The following MICU2 variants were observed in gnomAD, a reference collection of about 807,000 sequenced individuals.
MICU2 encodes the protein calcium uptake protein 2, mitochondrial.
A neutral mutation model predicts 60.4 loss-of-function variants in MICU2; 64 were observed. The observed-to-expected ratio is 1.06, with a 90% CI of 0.87 to 1.31. MICU2 has a LOEUF of 1.31. MICU2 is among the 50% of genes most tolerant of loss of function. MICU2 has a pLI of 0.00. For synonymous variants in MICU2, 201 were observed against 175.0 expected, an observed-to-expected ratio of 1.15 and a Z score of -1.17; for missense variants, 569 against 531.0, an observed-to-expected ratio of 1.07 and a Z score of -0.70.
intron 11 of MICU2, 121 bp downstream of exon 11, chr13:21,495,040 G>C: frequency 1.6e-6 from 1 of 627,280 alleles, no homozygotes; most frequent in Non-Finnish European, 2.5e-6. Flanking sequence ...TTCAATTACA[G>C]CTTATAGTCT....
chr13:21,503,198 G>T, intron 8 of MICU2, 101 bp from the exon 9 acceptor site: 2 of 787,294 alleles, frequency 2.5e-6, no homozygotes, highest in Non-Finnish European at 4.0e-6. Flanking sequence ...CTACTGAGTG[G>T]CTGCCTCCTG....
At position 21,604,109 on chromosome 13, in the gene MICU2, A is replaced by G; in HGVS notation, c.40T>C (p.Trp14Arg). 6.3e-7 allele frequency: 1 copy of G among 1,583,872 alleles called. No homozygotes were observed. The highest frequency in any genetic ancestry group is 8.6e-7 in the Non-Finnish European group (1 of 1,167,020). The change falls in exon 1 of 12, where the codon TGG becomes CGG. Residue 14 changes from tryptophan to arginine, a missense_variant. By Grantham distance (101) the Trp-to-Arg change is moderately radical. Coordinates refer to ENST00000382374, the MANE Select transcript of MICU2 (RefSeq NM_152726.3). ...AAGSCARVAAWGGKLRRGLAV... is the reference protein window; with the variant it reads ...AAGSCARVAARGGKLRRGLAV... ...AGCCCCCGTCGCAGTTTTCCGCCCCAGGCCGCCACCCGCGCGCAGCTACCC... is the reference window on the plus strand; with the variant it reads ...AGCCCCCGTCGCAGTTTTCCGCCCCGGGCCGCCACCCGCGCGCAGCTACCC...
At position 21,493,337 on chromosome 13, in the gene MICU2, C is replaced by A. The variant is rs1404121175; in HGVS notation, c.1217G>T (p.Ser406Ile). The change falls in exon 12 of 12, where the codon AGT becomes ATT. Residue 406 changes from serine (S) to isoleucine (I), a missense_variant. Coordinates refer to ENST00000382374, the MANE Select transcript of MICU2 (RefSeq NM_152726.3). The part of the protein sequence containing the change: ...HRGLWVPQHQ[S>I]IQEYWKCVKK... ...CACACACTTCCAGTATTCTTGTATA[C>A]TCTGATGTTGTGGTACCTGTTAACC... The A allele has an allele frequency of 6.2e-7, 1 of 1,605,966 alleles. No homozygotes were observed. The highest frequency in any genetic ancestry group is 2.2e-5 in the East Asian group (1 of 44,466).
At chr13:21,582,460 C>G (rs1029099137) in intron 1 of MICU2, among the ~76,000 whole-genome samples, 1 of 152,012 alleles carries the variant, frequency 6.6e-6, no homozygotes, top group African/African-American at 2.4e-5. Flanking sequence ...AATTGAGAAA[C>G]AAGCAACAGC....
At chr13:21,517,724 C>G (rs908721556) in intron 6 of MICU2, among the ~76,000 whole-genome samples, 1 of 151,778 alleles carries the variant, frequency 6.6e-6, no homozygotes, top group African/African-American at 2.4e-5. Context: ...TTGCAACGAG[C>G]AGAGATTGCG....
At chr13:21,588,453 C>A (rs191616156) in intron 1 of MICU2, among the ~76,000 whole-genome samples, 1 of 152,184 alleles carries the variant, frequency 6.6e-6, no homozygotes, top group Non-Finnish European at 1.5e-5. Flanking sequence ...TGCTATATCC[C>A]GAAGTCCAGC....
intron 1 of MICU2, among the ~76,000 whole-genome samples, chr13:21,601,599 G>A (rs1888816158): frequency 6.7e-6 from 1 of 149,944 alleles, no homozygotes; most frequent in African/African-American, 2.5e-5. Flanking sequence ...ATCAAGTCAG[G>A]GATTTCAAAG....
intron 2 of MICU2, among the ~76,000 whole-genome samples, chr13:21,557,950 T>C (rs1427646928): frequency 5.3e-5 from 8 of 152,202 alleles, no homozygotes. Context: ...GTATATCTGA[T>C]ATCTGGTTGC....
chr13:21,594,833 A>AC (rs768461520), intron 1 of MICU2, among the ~76,000 whole-genome samples: 8 of 152,118 alleles, frequency 5.3e-5, no homozygotes, highest in Non-Finnish European at 1.0e-4. Context: ...AACATTGAGA[A>AC]CCCATGGATG....
At chr13:21,522,460 A>G in intron 5 of MICU2, 143 bp downstream of exon 5, 1 of 617,824 alleles carries the variant, frequency 1.6e-6, no homozygotes, top group Non-Finnish European at 2.7e-6. Context: ...AACCTAATCC[A>G]ACATTATCAT....
At chr13:21,533,524 C>T (rs895121284) in intron 4 of MICU2, among the ~76,000 whole-genome samples, 7 of 151,666 alleles carry the variant, frequency 4.6e-5, no homozygotes, top group Admixed American at 6.6e-5. Context: ...GGGGTTTCAC[C>T]GTGTTAGCCA....
In MICU2 at chr13:21,539,815, T is replaced by C. The variant is rs1887238074; in HGVS notation, c.359-127A>G. ...TATTTATTTAAAAAGCAAAGGCTTG[T>C]AATTTTAGCTAATATCCTTAAGCCA... On this transcript the variant is annotated intron_variant, in intron 2 of 11. Coordinates refer to ENST00000382374, the MANE Select transcript of MICU2 (RefSeq NM_152726.3). 7.7e-6 allele frequency: 6 copies of C among 783,046 alleles called. No homozygotes were observed. The South Asian group carries it at 1.1e-4, about 14-fold the overall frequency. 48.5% of individuals were successfully genotyped at this position (783,046 alleles called of 1,614,324 possible). A position where few individuals can be genotyped will look rare whatever the true frequency, so the allele number is the denominator to read the frequency against.
chr13:21,563,020 T>C (rs1467030181), intron 2 of MICU2, among the ~76,000 whole-genome samples: 2 of 152,228 alleles, frequency 1.3e-5, no homozygotes, highest in Non-Finnish European at 2.9e-5. Context: ...AATTCTACAT[T>C]GGTAAATTTT....
chr13:21,600,819 C>T (rs1028472358), intron 1 of MICU2, among the ~76,000 whole-genome samples: 1 of 131,294 alleles, frequency 7.6e-6, no homozygotes, highest in South Asian at 3.0e-4. Flanking sequence ...TATTTTGAGA[C>T]GGAGTCTTGC....
At position 21,604,085 on chromosome 13, in the gene MICU2, G is replaced by T; in HGVS notation, c.64C>A (p.Leu22Ile). 1 of 1,596,108 alleles carries T rather than the reference G, an allele frequency of 6.3e-7. No homozygotes were observed. The highest frequency in any genetic ancestry group is 8.5e-7 in the Non-Finnish European group (1 of 1,172,980). ...AAWGGKLRRGLAVSRQAVRSP... is the reference protein window; with the variant it reads ...AAWGGKLRRGIAVSRQAVRSP... ...CGCACAGCCTGTCGGCTGACAGCGA[G>T]CCCCCGTCGCAGTTTTCCGCCCCAG... Residue 22 changes from leucine to isoleucine, a missense_variant, in exon 1 of 12, where the codon CTC becomes ATC. Leu to Ile is a conservative substitution (Grantham distance 5, BLOSUM62 2). Transcript: ENST00000382374.
At chr13:21,535,962 T>G (rs1887120370) in intron 4 of MICU2, among the ~76,000 whole-genome samples, 1 of 152,194 alleles carries the variant, frequency 6.6e-6, no homozygotes, top group African/African-American at 2.4e-5. Flanking sequence ...AAATTTGAAT[T>G]TAAGTCTGTC....
At chr13:21,547,539 C>T (rs1447290452) in intron 2 of MICU2, among the ~76,000 whole-genome samples, 2 of 151,930 alleles carry the variant, frequency 1.3e-5, no homozygotes, top group African/African-American at 4.8e-5. Flanking sequence ...CCATTATATC[C>T]CCAAGGCCTA....
chr13:21,532,871 C>T (rs1280595658), intron 4 of MICU2, among the ~76,000 whole-genome samples: 1 of 151,558 alleles, frequency 6.6e-6, no homozygotes, highest in African/African-American at 2.4e-5. Flanking sequence ...ACACAACACA[C>T]CAGGGAATAT....
Position 21,496,155 on chromosome 13 carries a change from A to T in MICU2, c.939T>A (p.Ile313=). The change falls in exon 10 of 12, where the codon ATT becomes ATA. Residue 313 remains isoleucine, a synonymous_variant. Coordinates refer to ENST00000382374, the MANE Select transcript of MICU2 (RefSeq NM_152726.3). Reference sequence around the variant, plus strand: ...AAAATGACTTGAATTCATCCAAACTAATGCTCTAATAAAGTAAGAGTTTTT... The same window carrying T: ...AAAATGACTTGAATTCATCCAAACTTATGCTCTAATAAAGTAAGAGTTTTT... ...VREKLSAGES[I]SLDEFKSFCH... is the part of the protein sequence containing the mutation. 6.2e-7 allele frequency: 1 copy of T among 1,608,826 alleles called. No homozygotes were observed. The highest frequency in any genetic ancestry group is 1.1e-5 in the South Asian group (1 of 90,136).
Sources: allele counts gnomAD v4.1 joint callset (sites outside exome capture counted in the v4.1 genomes callset), GRCh38; gene constraint gnomAD v4.1.1; transcripts MANE v1.5; gene names NCBI Gene and HGNC (gene_info 2026-07-23, HGNC 2026-07-21).